Variants in MAP3K5 observed in about 807,000 individuals in gnomAD.
MAP3K5 encodes the protein ASK-1.
Under a neutral mutation model 158.7 loss-of-function variants are expected in MAP3K5, and 56 were observed. The observed-to-expected ratio is 0.35, with a 90% CI of 0.28 to 0.44. The LOEUF is 0.44. Among genes scored for constraint, MAP3K5 ranks in the 20% least tolerant of loss-of-function variants. The probability of loss-of-function intolerance (pLI) is 1.00; values close to 1 mark genes in which losing one functional copy is unlikely to be tolerated. For synonymous variants in MAP3K5, 579 were observed against 601.7 expected (o/e 0.96, Z 0.55); for missense variants, 1,294 against 1,674.8 (o/e 0.77, Z 3.97).
chr6:136,639,783 G>A, intron 12 of MAP3K5, 145 bp from the exon 13 acceptor site: 1 of 578,460 alleles, frequency 1.7e-6, no homozygotes, highest in Non-Finnish European at 3.1e-6. Context: ...TTTAAAAAGT[G>A]ATACTTCCTG....
At chr6:136,735,784 G>A (rs1199983544) in intron 1 of MAP3K5, among the ~76,000 whole-genome samples, 2 of 152,088 alleles carry the variant, frequency 1.3e-5, no homozygotes, top group Admixed American at 6.6e-5. Flanking sequence ...AGCTATGATC[G>A]TGCCATTGTA....
At chr6:136,695,360 A>C (rs180930666) in intron 6 of MAP3K5, among the ~76,000 whole-genome samples, 1 of 152,272 alleles carries the variant, frequency 6.6e-6, no homozygotes, top group Non-Finnish European at 1.5e-5. Context: ...GCTGCTCTCG[A>C]ACTCCTGAGC....
chr6:136,574,110 T>C (rs141165974), intron 25 of MAP3K5, among the ~76,000 whole-genome samples: 352 of 152,204 alleles, frequency 2.3e-3, no homozygotes, highest in African/African-American at 8.0e-3. Context: ...TTTGTATTTT[T>C]AGTAGAGATG....
intron 8 of MAP3K5, among the ~76,000 whole-genome samples, chr6:136,661,469 C>A (rs1386838510): frequency 6.6e-6 from 1 of 152,182 alleles, no homozygotes; most frequent in Middle Eastern, 3.2e-3. Flanking sequence ...GATCACTGCT[C>A]AATGCAGCCT....
At chr6:136,757,012 A>G (rs549743234) in intron 1 of MAP3K5, among the ~76,000 whole-genome samples, 1 of 152,300 alleles carries the variant, frequency 6.6e-6, no homozygotes, top group African/African-American at 2.4e-5. Context: ...TTTTCCAGCA[A>G]ATCAAGGTGA....
At chr6:136,761,285 CT>C in intron 1 of MAP3K5, among the ~76,000 whole-genome samples, 1 of 95,714 alleles carries the variant, frequency 1.0e-5, no homozygotes, top group African/African-American at 4.5e-5. Flanking sequence ...TAGACCCTAA[CT>C]TTAAAAAAAA....
chr6:136,580,266 A>T, intron 25 of MAP3K5, 35 bp downstream of exon 25: 5 of 1,348,086 alleles, frequency 3.7e-6, no homozygotes, highest in Non-Finnish European at 5.3e-6. Flanking sequence ...ATATCCAAGC[A>T]CTAAATATGT....
chr6:136,660,678 A>G (rs993039020), intron 8 of MAP3K5, among the ~76,000 whole-genome samples: 1 of 152,226 alleles, frequency 6.6e-6, no homozygotes, highest in African/African-American at 2.4e-5. Context: ...CATCCATCAC[A>G]TTAAATTGTT....
intron 15 of MAP3K5, among the ~76,000 whole-genome samples, chr6:136,622,085 C>CAAA (rs57596059): frequency 2.1e-5 from 2 of 94,858 alleles, no homozygotes; most frequent in Admixed American, 1.1e-4. Context: ...GACTCCGTCT[C>CAAA]AAAAAAAAAA....
At chr6:136,779,618 T>TA (rs1035052969) in intron 1 of MAP3K5, among the ~76,000 whole-genome samples, 2 of 152,206 alleles carry the variant, frequency 1.3e-5, no homozygotes, top group African/African-American at 4.8e-5. Context: ...AGCAGTTTGC[T>TA]AGCCCTCTAA....
chr6:136,779,161 C>T (rs1201991001), intron 1 of MAP3K5, among the ~76,000 whole-genome samples: 2 of 152,108 alleles, frequency 1.3e-5, no homozygotes, highest in Non-Finnish European at 2.9e-5. Context: ...ATTAGCTGGG[C>T]ATGGTAACCT....
intron 18 of MAP3K5, among the ~76,000 whole-genome samples, chr6:136,608,146 C>T (rs932980061): frequency 1.3e-5 from 2 of 151,906 alleles, no homozygotes; most frequent in African/African-American, 4.8e-5. Context: ...GGAAGGTCCA[C>T]GTTTCTGGCT....
chr6:136,614,819 C>T (rs777464353), intron 15 of MAP3K5, among the ~76,000 whole-genome samples: 1 of 152,170 alleles, frequency 6.6e-6, no homozygotes, highest in Admixed American at 6.5e-5. Flanking sequence ...CCAGAACTTC[C>T]TGAAAGGCCC....
At chr6:136,656,249 A>G (rs1181378830) in intron 10 of MAP3K5, 58 bp downstream of exon 10, 1 of 1,501,430 alleles carries the variant, frequency 6.7e-7, no homozygotes, top group South Asian at 1.1e-5. Context: ...ATACAATCAC[A>G]GTACAAGATG....
intron 14 of MAP3K5, among the ~76,000 whole-genome samples, chr6:136,626,124 A>T (rs1341729252): frequency 2.6e-5 from 4 of 152,100 alleles, no homozygotes; most frequent in Non-Finnish European, 5.9e-5. Context: ...CACACGCATG[A>T]CTCGAGAGGA....
chr6:136,760,468 A>C (rs1389052547), intron 1 of MAP3K5, among the ~76,000 whole-genome samples: 1 of 152,268 alleles, frequency 6.6e-6, no homozygotes, highest in African/African-American at 2.4e-5. Flanking sequence ...TCAAGTCCTT[A>C]ATTCACATAT....
chr6:136,642,603 C>A, intron 11 of MAP3K5, 34 bp from the exon 12 acceptor site: 1 of 1,401,072 alleles, frequency 7.1e-7, no homozygotes, highest in South Asian at 1.2e-5. Flanking sequence ...ACTGAGTCAT[C>A]CAAATGGAAA....
At chr6:136,632,565 A>T (rs1289166136) in intron 14 of MAP3K5, among the ~76,000 whole-genome samples, 1 of 152,194 alleles carries the variant, frequency 6.6e-6, no homozygotes, top group Non-Finnish European at 1.5e-5. Context: ...GAGTCGCAGG[A>T]TTAAATCTGT....
intron 1 of MAP3K5, among the ~76,000 whole-genome samples, chr6:136,774,496 A>G (rs1288757767): frequency 6.6e-6 from 1 of 152,150 alleles, no homozygotes; most frequent in African/African-American, 2.4e-5. Context: ...AGCACAATAT[A>G]TATAATACGT....
Sources: gnomAD v4.1 joint callset for allele counts (sites outside exome capture counted in the v4.1 genomes callset) on GRCh38, gnomAD v4.1.1 for gene constraint, MANE v1.5 for transcripts, NCBI Gene and HGNC (gene_info 2026-07-23, HGNC 2026-07-21) for gene names.